Variants in MATN2 observed in about 807,000 individuals in gnomAD.
The protein encoded by MATN2 is matrilin 2.
A neutral mutation model predicts 103.2 loss-of-function variants in MATN2; 69 were observed. The observed-to-expected ratio is 0.67, with a 90% CI of 0.55 to 0.82. MATN2 has a LOEUF of 0.82. Among genes scored for constraint, MATN2 ranks in the 40% least tolerant of loss-of-function variants. MATN2 has a pLI of 0.00. For missense variants in MATN2, 1,023 were observed against 1,211.5 expected (o/e 0.84, Z 2.31); for synonymous variants, 429 against 450.2 (o/e 0.95, Z 0.60).
intron 13 of MATN2, among the ~76,000 whole-genome samples, chr8:98,022,537 G>A (rs2130432002): frequency 6.6e-6 from 1 of 152,176 alleles, no homozygotes; most frequent in Admixed American, 6.5e-5. Flanking sequence ...GGAAACTGGG[G>A]ATCTTTGTAG....
intron 2 of MATN2, among the ~76,000 whole-genome samples, chr8:97,909,889 T>G (rs1442599025): frequency 7.2e-5 from 11 of 151,992 alleles, no homozygotes; most frequent in Non-Finnish European, 1.6e-4. Flanking sequence ...GTTCAGGCCA[T>G]TCTCCTGCCT....
Position 97,978,971 on chromosome 8 carries a change from A to C in MATN2, c.1044A>C (p.Glu348Asp). 1 of 1,613,652 alleles carries C rather than the reference A, an allele frequency of 6.2e-7. No individual in the cohort carries two copies. The highest frequency in any genetic ancestry group is 1.1e-5 in the South Asian group (1 of 91,002). Reference sequence around the variant, plus strand: ...GCTCCTACCTTTGCCAGTGCCATGAAGGATTTGCTCTTAACCCAGATAAAA... The same window carrying C: ...GCTCCTACCTTTGCCAGTGCCATGACGGATTTGCTCTTAACCCAGATAAAA... ...ADGSYLCQCH[E>D]GFALNPDKKT... The change falls in exon 6 of 19, where the codon GAA (glutamate) becomes GAC (aspartate). Residue 348 changes from glutamate to aspartate, a missense_variant. Glu to Asp is a conservative substitution (Grantham distance 45). Coordinates refer to ENST00000254898, the MANE Select transcript of MATN2 (RefSeq NM_002380.5).
intron 4 of MATN2, among the ~76,000 whole-genome samples, chr8:97,953,604 C>A (rs999059399): frequency 6.6e-6 from 1 of 152,096 alleles, no homozygotes; most frequent in African/African-American, 2.4e-5. Flanking sequence ...CTGGGCAACA[C>A]GGTGAAACCC....
intron 6 of MATN2, among the ~76,000 whole-genome samples, chr8:97,987,130 C>T (rs559139203): frequency 4.6e-5 from 7 of 152,198 alleles, no homozygotes; most frequent in Non-Finnish European, 8.8e-5. Flanking sequence ...CGTGAGCCAC[C>T]ACACCTGGCC....
At position 97,869,121 on chromosome 8, in the gene MATN2, AGCG is replaced by A. The variant is rs1485182779; in HGVS notation, c.-182_-180del. On this transcript the variant is annotated 5_prime_UTR_variant, in exon 1 of 19. Transcript: ENST00000254898. ...GCGCTCTGGGATGGGACTTGGAGCA[AGCG>A]GCGGCGGCGGAGACAGAGGCAGAGG... 2 of 152,308 alleles carry A rather than the reference AGCG, an allele frequency of 1.3e-5. No homozygotes were observed. Among genetic ancestry groups the A allele is most frequent in the African/African-American group, 2.4e-5 (1 of 41,414 alleles). 9.4% of individuals were successfully genotyped at this position (152,308 alleles called of 1,614,324 possible).
chr8:97,971,649 C>T (rs555923206), intron 5 of MATN2, among the ~76,000 whole-genome samples: 1 of 152,310 alleles, frequency 6.6e-6, no homozygotes, highest in Non-Finnish European at 1.5e-5. Flanking sequence ...TGTACTTACT[C>T]ACCTGGTGTT....
At chr8:97,994,816 G>C (rs571588346) in intron 7 of MATN2, among the ~76,000 whole-genome samples, 27 of 152,172 alleles carry the variant, frequency 1.8e-4, no homozygotes, top group South Asian at 1.0e-3. Flanking sequence ...GATTCAATTA[G>C]CCAAGTGGAC....
In MATN2 at chr8:98,027,406, G is replaced by C. The variant is rs2130445419; in HGVS notation, c.1943-10G>C. ...ATTCAACTATGTCAACTTTCCTTCT[G>C]TTCATATAGAATGCACTGAAGGCCC... On this transcript the variant is annotated splice_polypyrimidine_tract_variant and intron_variant, in intron 13 of 18. Coordinates refer to ENST00000254898, the MANE Select transcript of MATN2 (RefSeq NM_002380.5). 1 of 1,583,024 alleles carries C rather than the reference G, an allele frequency of 6.3e-7. No individual in the cohort carries two copies. The highest frequency in any genetic ancestry group is 1.1e-5 in the South Asian group (1 of 87,972).
chr8:97,915,363 C>T (rs1175343085), intron 2 of MATN2, among the ~76,000 whole-genome samples: 1 of 152,176 alleles, frequency 6.6e-6, no homozygotes, highest in Non-Finnish European at 1.5e-5. Context: ...CAGGCTGAGA[C>T]TGGTTCTCAT....
chr8:97,878,596 TC>T (rs1818155444), intron 1 of MATN2, among the ~76,000 whole-genome samples: 1 of 151,168 alleles, frequency 6.6e-6, no homozygotes, highest in African/African-American at 2.4e-5. Context: ...ATGCCTATAA[TC>T]CCAGAACTTT....
rs751201754 is a variant in MATN2 at position 97,931,534 on chromosome 8, T to C, written c.712+12T>C. The C allele has an allele frequency of 1.3e-6, 2 of 1,585,288 alleles. No homozygotes were observed. Among genetic ancestry groups the C allele is most frequent in the South Asian group, 2.3e-5 (2 of 85,998 alleles). ...GAAGAAGTTGTGCAGTAAGTCCTGC[T>C]CCTTTGTCACTCTTCTAGAGGAACC... On this transcript the variant is annotated intron_variant, in intron 3 of 18. Coordinates refer to ENST00000254898, the MANE Select transcript of MATN2 (RefSeq NM_002380.5). This position sits in a 1 kb window ranked among gnomAD's most constrained non-coding sequence, Gnocchi z 4.1.
At chr8:97,897,305 G>A (rs982818020) in intron 2 of MATN2, among the ~76,000 whole-genome samples, 6 of 152,224 alleles carry the variant, frequency 3.9e-5, no homozygotes, top group Admixed American at 2.0e-4. Context: ...GGCATGAGCC[G>A]GAAAGACAAT....
At chr8:97,903,111 C>T (rs1294134949) in intron 2 of MATN2, among the ~76,000 whole-genome samples, 1 of 152,180 alleles carries the variant, frequency 6.6e-6, no homozygotes, top group Non-Finnish European at 1.5e-5. Flanking sequence ...CAGATGCCAG[C>T]AAGCTTGCTG....
intron 4 of MATN2, among the ~76,000 whole-genome samples, chr8:97,945,314 T>C (rs1235464466): frequency 6.6e-6 from 1 of 152,150 alleles, no homozygotes; most frequent in Non-Finnish European, 1.5e-5. Context: ...GTTTTATCAC[T>C]CTCATTTTAC....
chr8:98,021,131 T>C, intron 12 of MATN2, 74 bp from the exon 13 acceptor site: 1 of 1,428,338 alleles, frequency 7.0e-7, no homozygotes, highest in Non-Finnish European at 9.7e-7. Context: ...TTCCACAATC[T>C]CTACTCACAT....
chr8:98,007,425 A>C lies in MATN2; in HGVS notation c.1451-54A>C. On this transcript the variant is annotated intron_variant, in intron 9 of 18. Coordinates refer to ENST00000254898, the MANE Select transcript of MATN2 (RefSeq NM_002380.5). This position sits in a 1 kb window ranked among gnomAD's most constrained non-coding sequence, Gnocchi z 4.2. ...AGCATGACGGTCACTTGATCCAATCACTGTCGCCCAGAGGTCTCACTGATA... is the reference window on the plus strand; with the variant it reads ...AGCATGACGGTCACTTGATCCAATCCCTGTCGCCCAGAGGTCTCACTGATA... 6.3e-6 allele frequency: 10 copies of C among 1,589,218 alleles called. No homozygotes were observed. The highest frequency in any genetic ancestry group is 8.6e-6 in the Non-Finnish European group (10 of 1,161,244).
intron 4 of MATN2, among the ~76,000 whole-genome samples, chr8:97,945,761 A>AT: frequency 6.7e-6 from 1 of 149,706 alleles, no homozygotes; most frequent in East Asian, 1.9e-4. Flanking sequence ...GTATATTTGT[A>AT]ATTTGTGTGG....
At chr8:98,017,913 C>A (rs1813421384) in intron 11 of MATN2, 81 bp from the exon 12 acceptor site, 1 of 1,515,978 alleles carries the variant, frequency 6.6e-7, no homozygotes. Context: ...GTAGCTGACT[C>A]CAGTGGATGG....
intron 6 of MATN2, among the ~76,000 whole-genome samples, chr8:97,992,523 G>A (rs2130350038): frequency 6.6e-6 from 1 of 151,964 alleles, no homozygotes; most frequent in Admixed American, 6.6e-5. Context: ...TGAGGCAGGT[G>A]GATCACGAGA....
Sources: gnomAD v4.1 joint callset for allele counts (sites outside exome capture counted in the v4.1 genomes callset) on GRCh38, gnomAD v4.1.1 for gene constraint, Gnocchi (gnomAD v3.1) non-coding constraint, MANE v1.5 for transcripts, NCBI Gene and HGNC (gene_info 2026-07-23, HGNC 2026-07-21) for gene names.